ELMO1: variants seen among roughly 807,000 people sequenced by gnomAD.
The protein encoded by ELMO1 is engulfment and cell motility protein 1.
ELMO1 carries 26 observed loss-of-function variants against 98.9 expected under a neutral mutation model. That is an observed-to-expected ratio of 0.26 (90% CI 0.19 to 0.36). The LOEUF (loss-of-function observed/expected upper bound fraction) is 0.36, where lower values mean the gene tolerates loss of function less well. ELMO1 is among the 10% of genes least tolerant of loss of function. The probability of loss-of-function intolerance (pLI) is 1.00; values close to 1 mark genes in which losing one functional copy is unlikely to be tolerated. For missense variants in ELMO1, 627 were observed against 935.2 expected, an observed-to-expected ratio of 0.67 and a Z score of 4.30; for synonymous variants, 346 against 346.0, an observed-to-expected ratio of 1.00 and a Z score of 0.00.
chr7:36,989,056 TA>T (rs1227162543), intron 16 of ELMO1, among the ~76,000 whole-genome samples: 1 of 152,218 alleles, frequency 6.6e-6, no homozygotes, highest in Non-Finnish European at 1.5e-5. Context: ...GAGCAATTAA[TA>T]ATCCAGGAAT....
At chr7:37,347,384 C>G (rs898227602) in intron 1 of ELMO1, among the ~76,000 whole-genome samples, 1 of 152,110 alleles carries the variant, frequency 6.6e-6, no homozygotes, top group Non-Finnish European at 1.5e-5. Flanking sequence ...GGCCTCCACC[C>G]TCTAGAGGTC....
intron 1 of ELMO1, among the ~76,000 whole-genome samples, chr7:37,350,526 A>C (rs896180135): frequency 2.0e-5 from 3 of 152,238 alleles, no homozygotes; most frequent in African/African-American, 7.2e-5. Context: ...TCTTCTTCAC[A>C]GCCCTGAGTG....
chr7:36,913,615 A>C (rs1205956092), intron 16 of ELMO1, among the ~76,000 whole-genome samples: 1 of 152,212 alleles, frequency 6.6e-6, no homozygotes, highest in Non-Finnish European at 1.5e-5. Context: ...AACAAATAAT[A>C]ACAAAGCCTG....
intron 15 of ELMO1, among the ~76,000 whole-genome samples, chr7:37,053,283 AAAAC>A (rs1796211434): frequency 1.8e-5 from 2 of 111,254 alleles, no homozygotes; most frequent in South Asian, 6.2e-4. Context: ...TTCATTTGTT[AAAAC>A]ACACACACAC....
chr7:36,906,106 T>C (rs918129001), intron 16 of ELMO1, among the ~76,000 whole-genome samples: 10 of 152,362 alleles, frequency 6.6e-5, no homozygotes, highest in Middle Eastern at 3.4e-3. Context: ...AAACCAGCTC[T>C]GCCATCAGGC....
chr7:37,135,401 C>G (rs1334586049), intron 13 of ELMO1, among the ~76,000 whole-genome samples: 2 of 152,178 alleles, frequency 1.3e-5, no homozygotes, highest in African/African-American at 4.8e-5. Flanking sequence ...GGAACTGGAT[C>G]ACCACCGCAG....
chr7:37,403,520 T>C (rs565158254), intron 1 of ELMO1, among the ~76,000 whole-genome samples: 16 of 152,206 alleles, frequency 1.1e-4, no homozygotes, highest in African/African-American at 3.6e-4. Context: ...AGTAGCTACA[T>C]GACACGGTGC....
chr7:37,093,521 A>T (rs1035233537), intron 15 of ELMO1, among the ~76,000 whole-genome samples: 3 of 152,238 alleles, frequency 2.0e-5, no homozygotes, highest in Non-Finnish European at 4.4e-5. Context: ...ATGGAGAAAA[A>T]TAATCACATA....
intron 6 of ELMO1, among the ~76,000 whole-genome samples, chr7:37,248,742 T>C (rs1795154739): frequency 6.6e-6 from 1 of 152,254 alleles, no homozygotes; most frequent in Non-Finnish European, 1.5e-5. Flanking sequence ...TGGTGTCAGC[T>C]GGCCTTGGCT....
intron 6 of ELMO1, among the ~76,000 whole-genome samples, chr7:37,248,237 T>C (rs1429545828): frequency 6.6e-6 from 1 of 152,092 alleles, no homozygotes; most frequent in Admixed American, 6.6e-5. Context: ...CCTATTTTTT[T>C]AGAGAAACGT....
chr7:37,247,895 A>ATGTGTGTGTGTGTGTGTGTGTGTGTGTG (rs58502667), intron 6 of ELMO1, among the ~76,000 whole-genome samples: 16 of 146,642 alleles, frequency 1.1e-4, no homozygotes, highest in African/African-American at 3.2e-4. Context: ...TTGAAATAAA[A>ATGTGTGTGTGTGTGTGTGTGTGTGTGTG]TGTGTGTGTG....
chr7:37,260,833 A>G (rs566811111), intron 5 of ELMO1, among the ~76,000 whole-genome samples: 34 of 152,324 alleles, frequency 2.2e-4, no homozygotes, highest in Admixed American at 2.2e-3. Flanking sequence ...TAACCCACAC[A>G]TCACTCAAAT....
intron 15 of ELMO1, among the ~76,000 whole-genome samples, chr7:37,042,211 GAA>G (rs35969834): frequency 9.6e-5 from 9 of 93,528 alleles, no homozygotes; most frequent in Admixed American, 2.4e-4. Flanking sequence ...TCTGACTTTT[GAA>G]AAAAAAAAAA....
At chr7:37,438,705 T>C (rs1211388621) in intron 1 of ELMO1, among the ~76,000 whole-genome samples, 1 of 152,124 alleles carries the variant, frequency 6.6e-6, no homozygotes, top group East Asian at 1.9e-4. Context: ...TTGCATTTAA[T>C]CATCTCAGCT....
chr7:37,111,424 T>C (rs1163311313), intron 14 of ELMO1, among the ~76,000 whole-genome samples: 3 of 152,224 alleles, frequency 2.0e-5, no homozygotes, highest in Admixed American at 6.5e-5. Flanking sequence ...TTACAGGCCA[T>C]AGACTGTTGG....
intron 16 of ELMO1, among the ~76,000 whole-genome samples, chr7:36,899,799 A>G (rs948739126): frequency 2.0e-5 from 3 of 150,560 alleles, no homozygotes; most frequent in African/African-American, 7.3e-5. Flanking sequence ...ATATCTGGCA[A>G]ATGTAAGTTC....
At chr7:37,444,843 T>C (rs1046438876) in intron 1 of ELMO1, among the ~76,000 whole-genome samples, 2 of 152,182 alleles carry the variant, frequency 1.3e-5, no homozygotes, top group African/African-American at 4.8e-5. Context: ...GTTAAGTCAA[T>C]AGCCGACAGA....
chr7:37,251,170 CAAATA>C (rs1352702474), intron 6 of ELMO1, among the ~76,000 whole-genome samples: 5 of 152,250 alleles, frequency 3.3e-5, no homozygotes, highest in African/African-American at 9.6e-5. Flanking sequence ...TTCCTTCTTT[CAAATA>C]AAATAAAATA....
chr7:37,020,179 T>C (rs1255884895), intron 15 of ELMO1, among the ~76,000 whole-genome samples: 1 of 152,094 alleles, frequency 6.6e-6, no homozygotes, highest in Non-Finnish European at 1.5e-5. Context: ...TGCAAATGAG[T>C]TGGGCTAATG....
Sources: allele counts gnomAD v4.1 joint callset (sites outside exome capture counted in the v4.1 genomes callset), GRCh38; gene constraint gnomAD v4.1.1; transcripts MANE v1.5; gene names NCBI Gene and HGNC (gene_info 2026-07-23, HGNC 2026-07-21).